METAP2: variants seen among roughly 807,000 people sequenced by gnomAD.
METAP2 encodes methionyl aminopeptidase 2, also known as methionine aminopeptidase 2.
METAP2 carries 25 observed loss-of-function variants against 59.4 expected under a neutral mutation model. The ratio of observed to expected loss-of-function variants is 0.42; its 90% confidence interval spans 0.31 to 0.59. The LOEUF is 0.59. Among genes scored for constraint, METAP2 ranks in the 20% least tolerant of loss-of-function variants. The probability of loss-of-function intolerance (pLI) is 0.16; values close to 1 mark genes in which losing one functional copy is unlikely to be tolerated. For missense variants in METAP2, 366 were observed against 581.2 expected (o/e 0.63, Z 3.81); for synonymous variants, 214 against 194.1 (o/e 1.10, Z -0.85).
intron 3 of METAP2, 148 bp from the exon 4 acceptor site, chr12:95,485,728 CATG>C (rs1239770673): frequency 1.3e-5 from 7 of 547,206 alleles, no homozygotes; most frequent in African/African-American, 2.0e-5. Flanking sequence ...AGGTGGCCAG[CATG>C]ATGAAGTGTC....
At chr12:95,498,520 T>G (rs757454933) in intron 7 of METAP2, among the ~76,000 whole-genome samples, 1 of 152,340 alleles carries the variant, frequency 6.6e-6, no homozygotes, top group East Asian at 1.9e-4. Context: ...TTTAATGTCA[T>G]GAAGCTTTTA....
At chr12:95,483,387 A>G in intron 3 of METAP2, 107 bp downstream of exon 3, 1 of 788,652 alleles carries the variant, frequency 1.3e-6, no homozygotes, top group Non-Finnish European at 2.1e-6. Flanking sequence ...GAGGCAGGAG[A>G]ATTGCTGGAA....
intron 8 of METAP2, among the ~76,000 whole-genome samples, chr12:95,510,723 G>C (rs1259908019): frequency 6.6e-6 from 1 of 152,160 alleles, no homozygotes; most frequent in Non-Finnish European, 1.5e-5. Flanking sequence ...GGGTCAGTTT[G>C]CCAGGTCTTA....
At chr12:95,476,352 CAAAA>C (rs938173101) in intron 2 of METAP2, among the ~76,000 whole-genome samples, 174 bp downstream of exon 2, 7 of 146,512 alleles carry the variant, frequency 4.8e-5, no homozygotes, top group African/African-American at 1.8e-4. Flanking sequence ...TCTAAAAAGA[CAAAA>C]AAAAATTTAG....
In METAP2 at chr12:95,477,172, C is replaced by T. The variant is rs373644251; in HGVS notation, c.259+994C>T. ...AGGCTGGAGTGCAGTGGCGTGATCT[C>T]GGATCACTGCGACCTCCCGAGCTCA... On this transcript the variant is annotated intron_variant, in intron 2 of 10. Coordinates refer to ENST00000323666, the MANE Select transcript of METAP2 (RefSeq NM_006838.4). Among the ~76,000 whole-genome samples the T allele has an allele frequency of 2.2e-3, 340 of 151,948 alleles. 2 individuals are homozygous for T. The highest frequency in any genetic ancestry group is 7.4e-3 in the African/African-American group (308 of 41,422).
At chr12:95,486,654 T>C (rs1020661797) in intron 4 of METAP2, among the ~76,000 whole-genome samples, 1 of 152,174 alleles carries the variant, frequency 6.6e-6, no homozygotes, top group Non-Finnish European at 1.5e-5. Context: ...TGCACCACCA[T>C]GCCTGGCTAA....
intron 8 of METAP2, among the ~76,000 whole-genome samples, chr12:95,505,824 G>A (rs1267821918): frequency 6.6e-6 from 1 of 151,558 alleles, no homozygotes; most frequent in Non-Finnish European, 1.5e-5. Flanking sequence ...GCCAGACGTG[G>A]TGGCTCACGC....
At chr12:95,475,120 T>C (rs2076108722) in intron 1 of METAP2, among the ~76,000 whole-genome samples, 1 of 152,158 alleles carries the variant, frequency 6.6e-6, no homozygotes, top group Non-Finnish European at 1.5e-5. Context: ...AACTTACATA[T>C]TTTGAGAAGT....
intron 8 of METAP2, among the ~76,000 whole-genome samples, chr12:95,506,276 TTTTA>T (rs1258462888): frequency 6.6e-6 from 1 of 151,054 alleles, no homozygotes; most frequent in Non-Finnish European, 1.5e-5. Context: ...AAATATTTAT[TTTTA>T]TTTCTAATAT....
intron 5 of METAP2, 45 bp downstream of exon 5, chr12:95,494,262 A>T: frequency 6.5e-7 from 1 of 1,548,874 alleles, no homozygotes; most frequent in Non-Finnish European, 8.8e-7. Flanking sequence ...AAAATGTTTT[A>T]TTAAGTACTA....
intron 7 of METAP2, among the ~76,000 whole-genome samples, chr12:95,497,800 G>T (rs985203844): frequency 2.0e-4 from 31 of 152,060 alleles, no homozygotes; most frequent in Middle Eastern, 3.4e-3. Flanking sequence ...GTCTATTCAA[G>T]TTTTTTGCCC....
chr12:95,508,134 A>G (rs1413767513), intron 8 of METAP2, among the ~76,000 whole-genome samples: 1 of 151,964 alleles, frequency 6.6e-6, no homozygotes, highest in Non-Finnish European at 1.5e-5. Flanking sequence ...AATTTTTACA[A>G]TTTATTTTTA....
At chr12:95,492,721 C>T (rs1236493241) in intron 4 of METAP2, among the ~76,000 whole-genome samples, 1 of 151,890 alleles carries the variant, frequency 6.6e-6, no homozygotes, top group African/African-American at 2.4e-5. Flanking sequence ...ATAAGCCCAA[C>T]GCCCAGCTAA....
chr12:95,512,958 C>T (rs774484167), intron 10 of METAP2, 42 bp downstream of exon 10: 2 of 1,150,470 alleles, frequency 1.7e-6, no homozygotes, highest in South Asian at 1.3e-5. Context: ...TAATTAGCAT[C>T]TCTTCTGAGT....
At chr12:95,485,629 T>G (rs1240260968) in intron 3 of METAP2, among the ~76,000 whole-genome samples, 1 of 152,170 alleles carries the variant, frequency 6.6e-6, no homozygotes, top group East Asian at 1.9e-4. Flanking sequence ...GAAGTGTGCC[T>G]TTTGCCAAGG....
rs537953878 is a variant in METAP2 at position 95,508,177 on chromosome 12, T to G, written c.965-3718T>G. On this transcript the variant is annotated intron_variant, in intron 8 of 10. Coordinates refer to ENST00000323666, the MANE Select transcript of METAP2 (RefSeq NM_006838.4). ...ACATGATTTAAATTTACTATGTTCC[T>G]TAGTAAGGGTAAACATACTTTTCTT... Among the ~76,000 whole-genome samples, 14 of 152,338 alleles carry G rather than the reference T, an allele frequency of 9.2e-5. 1 individual carries two copies. Among genetic ancestry groups the G allele is most frequent in the African/African-American group, 3.4e-4 (14 of 41,572 alleles).
chr12:95,499,246 G>A (rs1329181780), intron 7 of METAP2, among the ~76,000 whole-genome samples: 2 of 152,088 alleles, frequency 1.3e-5, no homozygotes, highest in Non-Finnish European at 2.9e-5. Flanking sequence ...GGTTTAAGCA[G>A]TTCTTCTACT....
chr12:95,498,452 C>CT (rs2076291505), intron 7 of METAP2, among the ~76,000 whole-genome samples: 3 of 152,228 alleles, frequency 2.0e-5, no homozygotes, highest in Admixed American at 2.0e-4. Context: ...TCCAGTTTGT[C>CT]TATTTTTTCT....
Position 95,495,151 on chromosome 12 carries a change from A to G in METAP2, c.772+13A>G. ...ACACATATAAGTGGTAAATTCTTGC[A>G]GAAAATTCCTACCCCAGCCTCCTCC... is the stretch of plus-strand genomic sequence containing the variant. On this transcript the variant is annotated intron_variant, in intron 6 of 10. Transcript: ENST00000323666. The G allele has an allele frequency of 1.3e-6, 2 of 1,589,776 alleles. No homozygotes were observed. The highest frequency in any genetic ancestry group is 1.7e-6 in the Non-Finnish European group (2 of 1,163,204).
Sources: gnomAD v4.1 joint callset for allele counts (sites outside exome capture counted in the v4.1 genomes callset) on GRCh38, gnomAD v4.1.1 for gene constraint, MANE v1.5 for transcripts, NCBI Gene and HGNC (gene_info 2026-07-23, HGNC 2026-07-21) for gene names.